Variants in CDK19 observed in about 807,000 individuals in gnomAD.
CDK19 encodes the protein cyclin-dependent kinase 19.
Under a neutral mutation model 68.3 loss-of-function variants are expected in CDK19, and 20 were observed. The ratio of observed to expected loss-of-function variants is 0.29; its 90% CI spans 0.21 to 0.43. The LOEUF is 0.43. Among genes scored for constraint, CDK19 ranks in the 20% least tolerant of loss-of-function variants. The pLI, the probability that CDK19 is intolerant of heterozygous loss-of-function variation, is 1.00. For missense variants in CDK19, 339 were observed against 623.5 expected (o/e 0.54, Z 4.86); for synonymous variants, 221 against 222.8 (o/e 0.99, Z 0.07).
intron 1 of CDK19, among the ~76,000 whole-genome samples, chr6:110,784,882 T>G (rs1024523387): frequency 6.6e-6 from 1 of 152,140 alleles, no homozygotes; most frequent in African/African-American, 2.4e-5. Context: ...ATATATAGTA[T>G]GATTTCATTT....
chr6:110,720,747 G>A (rs769148453), intron 2 of CDK19, among the ~76,000 whole-genome samples: 3 of 151,458 alleles, frequency 2.0e-5, no homozygotes, highest in Non-Finnish European at 4.4e-5. Flanking sequence ...CACACCTGTA[G>A]TCCCAGCTAC....
At chr6:110,754,245 T>C (rs753063776) in intron 1 of CDK19, among the ~76,000 whole-genome samples, 3 of 151,814 alleles carry the variant, frequency 2.0e-5, no homozygotes, top group Non-Finnish European at 4.4e-5. Flanking sequence ...GTTACCCAGG[T>C]TGATCTCAAA....
At chr6:110,701,551 CAAA>C (rs1166831323) in intron 2 of CDK19, among the ~76,000 whole-genome samples, 1 of 123,536 alleles carries the variant, frequency 8.1e-6, no homozygotes. Flanking sequence ...GACTCTGTCT[CAAA>C]AAAAAAAAAA....
chr6:110,776,335 A>C (rs972284812), intron 1 of CDK19, among the ~76,000 whole-genome samples: 1 of 152,086 alleles, frequency 6.6e-6, no homozygotes, highest in Non-Finnish European at 1.5e-5. Flanking sequence ...AGGCTGAGGC[A>C]GGAGAATCGC....
At chr6:110,713,414 A>G (rs1775111575) in intron 2 of CDK19, among the ~76,000 whole-genome samples, 1 of 144,274 alleles carries the variant, frequency 6.9e-6, no homozygotes, top group African/African-American at 2.6e-5. Flanking sequence ...CCTGGGTGAC[A>G]GAGAGAGACT....
rs553016433 is a variant in CDK19 at position 110,757,969 on chromosome 6, T to C, written c.129-11768A>G. 2.6e-4 allele frequency among the ~76,000 whole-genome samples: 39 copies of C among 152,198 alleles called. No homozygotes were observed. In the East Asian group the frequency reaches 7.1e-3, roughly 28 times the overall value. Reference sequence around the variant, plus strand: ...ACTTTAGGAGGCCAAGGTGGGTGAATTGCTTGAGGCCAGGAGTTTTGAGAC... The same window carrying C: ...ACTTTAGGAGGCCAAGGTGGGTGAACTGCTTGAGGCCAGGAGTTTTGAGAC... On this transcript the variant is annotated intron_variant, in intron 1 of 12. Coordinates refer to ENST00000368911, the MANE Select transcript of CDK19 (RefSeq NM_015076.5).
chr6:110,646,278 G>A lies in CDK19; in HGVS notation c.457-7572C>T, dbSNP rs959102164. 10 of 1,506,212 alleles carry A rather than the reference G, an allele frequency of 6.6e-6. No individual in the cohort carries two copies. The African/African-American group carries it at 1.4e-4, about 21-fold the overall frequency. The allele number at this position is 1,506,212 out of a possible 1,614,324, so 93.3% of individuals were successfully genotyped here. A position where few individuals can be genotyped will look rare whatever the true frequency, so the allele number is the denominator to read the frequency against. ...CACACATAGTTGCGTGTGCTGCCCC[G>A]CCAACATGTGCAAGCACAAGGTGCT... is the stretch of plus-strand genomic sequence containing the variant. On this transcript the variant is annotated intron_variant, in intron 4 of 12. Transcript: ENST00000368911.
At chr6:110,657,164 G>A (rs979020120) in intron 4 of CDK19, among the ~76,000 whole-genome samples, 1 of 152,190 alleles carries the variant, frequency 6.6e-6, no homozygotes, top group Non-Finnish European at 1.5e-5. Context: ...TTCACTCTGT[G>A]CGGAGAGTAG....
At chr6:110,741,625 C>T (rs1001033830) in intron 2 of CDK19, among the ~76,000 whole-genome samples, 1 of 151,236 alleles carries the variant, frequency 6.6e-6, no homozygotes, top group East Asian at 1.9e-4. Flanking sequence ...ACTGTCAAAG[C>T]CAAAGACAAA....
chr6:110,703,184 T>G (rs1774153093), intron 2 of CDK19, among the ~76,000 whole-genome samples: 1 of 152,068 alleles, frequency 6.6e-6, no homozygotes. Flanking sequence ...TAACCTGAAC[T>G]GGACTAAAAT....
chr6:110,691,648 A>ATTC (rs1413775842), intron 2 of CDK19, among the ~76,000 whole-genome samples: 1 of 150,524 alleles, frequency 6.6e-6, no homozygotes, highest in African/African-American at 2.4e-5. Flanking sequence ...TATTATTATT[A>ATTC]TTTTTTCTTT....
chr6:110,759,428 A>ATATATATATAT (rs1554219514), intron 1 of CDK19, among the ~76,000 whole-genome samples: 8 of 50,900 alleles, frequency 1.6e-4, no homozygotes, highest in Non-Finnish European at 2.7e-4. Flanking sequence ...AAAAAAAAAA[A>ATATATATATAT]ATATATATAT....
intron 2 of CDK19, among the ~76,000 whole-genome samples, chr6:110,695,970 A>T (rs1041605735): frequency 6.6e-6 from 1 of 152,218 alleles, no homozygotes; most frequent in Non-Finnish European, 1.5e-5. Context: ...AAGATAGACA[A>T]AGAGGAAATC....
chr6:110,785,063 C>A (rs1781103944), intron 1 of CDK19, among the ~76,000 whole-genome samples: 1 of 133,626 alleles, frequency 7.5e-6, no homozygotes, highest in Admixed American at 7.5e-5. Flanking sequence ...TGCTAAAAAC[C>A]ACTGAATTGT....
chr6:110,769,895 C>A (rs1779889983), intron 1 of CDK19, among the ~76,000 whole-genome samples: 2 of 152,144 alleles, frequency 1.3e-5, no homozygotes, highest in African/African-American at 4.8e-5. Flanking sequence ...ATGAAAATGG[C>A]CAACTAGCCT....
intron 1 of CDK19, among the ~76,000 whole-genome samples, chr6:110,800,232 C>G (rs1164673031): frequency 4.6e-5 from 7 of 152,138 alleles, no homozygotes; most frequent in African/African-American, 9.7e-5. Flanking sequence ...TAGAAAGACA[C>G]AATCTCTAAA....
intron 8 of CDK19, 128 bp downstream of exon 8, chr6:110,626,648 G>T: frequency 1.7e-6 from 1 of 581,926 alleles, no homozygotes; most frequent in Non-Finnish European, 3.0e-6. Flanking sequence ...ACATGCCAGT[G>T]CCTTGACCTT....
intron 2 of CDK19, among the ~76,000 whole-genome samples, chr6:110,672,475 A>G (rs528514985): frequency 6.6e-6 from 1 of 152,340 alleles, no homozygotes; most frequent in African/African-American, 2.4e-5. Flanking sequence ...GTCCTGTGTT[A>G]AAAAATTTGT....
At chr6:110,722,876 AG>A (rs989981046) in intron 2 of CDK19, among the ~76,000 whole-genome samples, 54 of 152,184 alleles carry the variant, frequency 3.5e-4, no homozygotes, top group African/African-American at 1.3e-3. Context: ...CAAAAAAAAA[AG>A]GATTCCTGAT....
Sources: gnomAD v4.1 joint callset for allele counts (sites outside exome capture counted in the v4.1 genomes callset) on GRCh38, gnomAD v4.1.1 for gene constraint, MANE v1.5 for transcripts, NCBI Gene and HGNC (gene_info 2026-07-23, HGNC 2026-07-21) for gene names.